Variants in PTPRD observed in about 807,000 individuals in gnomAD.
PTPRD encodes the protein protein tyrosine phosphatase receptor type D.
PTPRD carries 34 observed loss-of-function variants against 214.5 expected under a neutral mutation model. That is an observed-to-expected ratio of 0.16 (90% confidence interval 0.12 to 0.21). PTPRD has a LOEUF of 0.21. PTPRD is among the 10% of genes least tolerant of loss of function. The pLI is 1.00. For missense variants in PTPRD, 2,545 were observed against 2,398.7 expected (o/e 1.06, Z -1.27); for synonymous variants, 1,128 against 845.7 (o/e 1.33, Z -5.79).
chr9:8,773,465 C>T (rs980463002), intron 11 of PTPRD, among the ~76,000 whole-genome samples: 1 of 152,182 alleles, frequency 6.6e-6, no homozygotes, highest in African/African-American at 2.4e-5. Context: ...ACTCAGAGGG[C>T]ACTGTACTTC....
chr9:10,431,456 G>C (rs1283716243), intron 2 of PTPRD, among the ~76,000 whole-genome samples: 1 of 152,072 alleles, frequency 6.6e-6, no homozygotes, highest in Admixed American at 6.6e-5. Context: ...AAACTAAAGA[G>C]CTTCTGCACA....
chr9:9,936,369 A>G (rs2089406373), intron 5 of PTPRD, among the ~76,000 whole-genome samples: 1 of 151,970 alleles, frequency 6.6e-6, no homozygotes, highest in Non-Finnish European at 1.5e-5. Context: ...AATGAACTCA[A>G]ACAAATTTAC....
intron 7 of PTPRD, among the ~76,000 whole-genome samples, chr9:9,682,109 T>G (rs75337875): frequency 6.6e-6 from 1 of 151,770 alleles, no homozygotes. Flanking sequence ...AACAGCAAAG[T>G]GATTGTTTAA....
At chr9:10,052,119 T>C (rs2097546073) in intron 3 of PTPRD, among the ~76,000 whole-genome samples, 1 of 152,062 alleles carries the variant, frequency 6.6e-6, no homozygotes, top group African/African-American at 2.4e-5. Context: ...TATTTTTCTA[T>C]TTTTTGTAGT....
At chr9:9,458,974 A>G (rs2093367923) in intron 8 of PTPRD, among the ~76,000 whole-genome samples, 1 of 152,014 alleles carries the variant, frequency 6.6e-6, no homozygotes, top group Non-Finnish European at 1.5e-5. Flanking sequence ...CACATACACA[A>G]AAGAAAATAA....
At chr9:9,960,569 T>C (rs1247421594) in intron 4 of PTPRD, among the ~76,000 whole-genome samples, 2 of 152,100 alleles carry the variant, frequency 1.3e-5, no homozygotes, top group Non-Finnish European at 2.9e-5. Context: ...GCATGTACTT[T>C]TGATGGGATG....
At chr9:9,550,479 TACTATATATATG>T (rs939092809) in intron 8 of PTPRD, among the ~76,000 whole-genome samples, 1 of 148,362 alleles carries the variant, frequency 6.7e-6, no homozygotes, top group African/African-American at 2.4e-5. Context: ...ATGCACTATA[TACTATATATATG>T]GTATGATATG....
At chr9:9,486,141 A>ACT (rs1329889996) in intron 8 of PTPRD, among the ~76,000 whole-genome samples, 7 of 108,650 alleles carry the variant, frequency 6.4e-5, no homozygotes, top group Non-Finnish European at 1.2e-4. Context: ...ACAGAGCAAG[A>ACT]CTCTCTCTCA....
chr9:8,616,551 T>C (rs560354176), intron 14 of PTPRD, among the ~76,000 whole-genome samples: 1 of 152,184 alleles, frequency 6.6e-6, no homozygotes, highest in South Asian at 2.1e-4. Context: ...GATTAGATAA[T>C]AAACCGTGGT....
chr9:9,511,975 G>C (rs192292644), intron 8 of PTPRD, among the ~76,000 whole-genome samples: 4 of 151,660 alleles, frequency 2.6e-5, no homozygotes, highest in African/African-American at 9.7e-5. Context: ...CATAATCTAG[G>C]AAATAGGTCA....
intron 2 of PTPRD, among the ~76,000 whole-genome samples, chr9:10,547,539 C>T (rs2060420819): frequency 6.6e-6 from 1 of 152,026 alleles, no homozygotes; most frequent in South Asian, 2.1e-4. Flanking sequence ...ATCTCATTCC[C>T]CTCTTCCCTG....
At chr9:9,753,719 T>A (rs1159781003) in intron 6 of PTPRD, among the ~76,000 whole-genome samples, 2 of 152,000 alleles carry the variant, frequency 1.3e-5, no homozygotes, top group African/African-American at 4.8e-5. Flanking sequence ...GTGTCGCAGA[T>A]GCTCTCTGAA....
rs775253884 is a variant in PTPRD, at chr9:8,521,422, C to T, written c.816G>A (p.Gly272=). The T allele has an allele frequency of 6.2e-6, 10 of 1,613,968 alleles. No homozygotes were observed. The highest frequency in any genetic ancestry group is 2.2e-5 in the East Asian group (1 of 44,862). Reference sequence around the variant, plus strand: ...CATCTTCAGGTGTCAGATCTTCTGCCCCCAACATCCACTTTACATAAGGCA... The same window carrying T: ...CATCTTCAGGTGTCAGATCTTCTGCTCCCAACATCCACTTTACATAAGGCA... ...SPMPYVKWML[G]AEDLTPEDDM... is the part of the protein sequence containing the mutation. The change falls in exon 20 of 46, where the codon GGG becomes GGA. Residue 272 remains glycine (G), a synonymous_variant. Transcript: ENST00000381196.
chr9:9,408,331 G>C (rs1437938578), intron 8 of PTPRD, among the ~76,000 whole-genome samples: 1 of 151,800 alleles, frequency 6.6e-6, no homozygotes, highest in South Asian at 2.1e-4. Flanking sequence ...TACCATTTAT[G>C]AGAAAGCATT....
intron 4 of PTPRD, among the ~76,000 whole-genome samples, chr9:9,993,001 CAGTTAG>C (rs1427762966): frequency 6.7e-6 from 1 of 148,808 alleles, no homozygotes; most frequent in Non-Finnish European, 1.5e-5. Flanking sequence ...TAAAAAAAAA[CAGTTAG>C]ATGCCAATGT....
chr9:8,373,848 G>GTATGTATGTA (rs779430541), intron 39 of PTPRD, among the ~76,000 whole-genome samples: 11 of 115,484 alleles, frequency 9.5e-5, no homozygotes, highest in Non-Finnish European at 1.7e-4. Context: ...ATGTATGTAT[G>GTATGTATGTA]TGTATGTGTC....
At chr9:9,989,175 G>A (rs1050748595) in intron 4 of PTPRD, among the ~76,000 whole-genome samples, 1 of 152,056 alleles carries the variant, frequency 6.6e-6, no homozygotes, top group Non-Finnish European at 1.5e-5. Flanking sequence ...ACATAGAAAG[G>A]TGTTGATACA....
intron 9 of PTPRD, among the ~76,000 whole-genome samples, chr9:9,195,533 T>C (rs1006715881): frequency 2.0e-5 from 3 of 152,098 alleles, no homozygotes; most frequent in African/African-American, 7.2e-5. Context: ...AGTGTGTTGA[T>C]ATTAATACAA....
intron 9 of PTPRD, among the ~76,000 whole-genome samples, chr9:9,369,724 T>C (rs1164095570): frequency 6.6e-6 from 1 of 152,196 alleles, no homozygotes; most frequent in East Asian, 1.9e-4. Context: ...GGTTTTCTTC[T>C]AGGATTTTTA....
Sources: gnomAD v4.1 joint callset for allele counts (sites outside exome capture counted in the v4.1 genomes callset) on GRCh38, gnomAD v4.1.1 for gene constraint, MANE v1.5 for transcripts, NCBI Gene and HGNC (gene_info 2026-07-23, HGNC 2026-07-21) for gene names.